The following NEGR1 variants were observed in gnomAD, a reference collection of about 807,000 sequenced individuals.
NEGR1 encodes neuronal growth regulator 1, also known as IgLON family member 4.
NEGR1 carries 10 observed loss-of-function variants against 40.9 expected under a neutral mutation model. That is an observed-to-expected ratio of 0.24 (90% CI 0.15 to 0.42). The LOEUF (loss-of-function observed/expected upper bound fraction) is 0.42, where lower values mean the gene tolerates loss of function less well. Ranked by LOEUF, NEGR1 falls within the 10% of genes least tolerant of loss-of-function variation. The probability of loss-of-function intolerance (pLI) is 1.00; values close to 1 mark genes in which losing one functional copy is unlikely to be tolerated. For synonymous variants in NEGR1, 185 were observed against 166.8 expected (o/e 1.11, Z -0.84); for missense variants, 352 against 438.9 (o/e 0.80, Z 1.77).
intron 6 of NEGR1, among the ~76,000 whole-genome samples, chr1:71,423,181 A>G (rs1646408577): frequency 1.3e-5 from 2 of 152,262 alleles, no homozygotes; most frequent in Middle Eastern, 3.4e-3. Context: ...AGAGGCCAGG[A>G]GTTCGAGATC....
chr1:72,061,823 A>T (rs1647179869), intron 1 of NEGR1, among the ~76,000 whole-genome samples: 2 of 151,736 alleles, frequency 1.3e-5, no homozygotes, highest in South Asian at 2.1e-4. Context: ...TATGAAGCAA[A>T]AGTCACTCCA....
chr1:71,896,419 T>G (rs1042594350), intron 2 of NEGR1, among the ~76,000 whole-genome samples: 2 of 152,240 alleles, frequency 1.3e-5, no homozygotes, highest in Non-Finnish European at 2.9e-5. Flanking sequence ...TGTTGAGCTG[T>G]AAGATTTCTT....
At chr1:71,700,738 C>A (rs1653661917) in intron 3 of NEGR1, among the ~76,000 whole-genome samples, 2 of 151,950 alleles carry the variant, frequency 1.3e-5, no homozygotes, top group South Asian at 4.1e-4. Context: ...ATAGGTCCCC[C>A]AAAGTTATTC....
intron 4 of NEGR1, among the ~76,000 whole-genome samples, chr1:71,674,937 G>A (rs532201964): frequency 2.7e-4 from 41 of 151,322 alleles, no homozygotes; most frequent in Non-Finnish European, 5.0e-4. Flanking sequence ...CTTGAAACCT[G>A]CCTGTTTTGT....
At chr1:71,715,211 G>A (rs550298704) in intron 3 of NEGR1, among the ~76,000 whole-genome samples, 3 of 152,266 alleles carry the variant, frequency 2.0e-5, no homozygotes, top group South Asian at 4.1e-4. Flanking sequence ...TGGGATGCAG[G>A]GCACCAAGTC....
intron 1 of NEGR1, among the ~76,000 whole-genome samples, chr1:72,115,523 CT>C (rs1036145688): frequency 3.3e-5 from 5 of 151,716 alleles, no homozygotes; most frequent in Admixed American, 1.3e-4. Context: ...GAAGACATTA[CT>C]TATGCCAGAA....
intron 1 of NEGR1, among the ~76,000 whole-genome samples, chr1:72,168,055 G>C (rs940452200): frequency 5.3e-5 from 8 of 150,496 alleles, no homozygotes; most frequent in Admixed American, 1.3e-4. Flanking sequence ...ACCCAGGCTG[G>C]AGTGCAGTGG....
At chr1:71,651,045 G>A (rs1475987840) in intron 4 of NEGR1, among the ~76,000 whole-genome samples, 1 of 151,952 alleles carries the variant, frequency 6.6e-6, no homozygotes, top group Non-Finnish European at 1.5e-5. Context: ...CTCTTTTCTT[G>A]GCTGATGTAC....
chr1:71,840,078 G>C (rs938740479), intron 2 of NEGR1, among the ~76,000 whole-genome samples: 2 of 152,070 alleles, frequency 1.3e-5, no homozygotes, highest in Non-Finnish European at 2.9e-5. Flanking sequence ...TATCTCCAGA[G>C]CGGATTTCTC....
At chr1:72,012,830 C>A (rs1274279763) in intron 1 of NEGR1, among the ~76,000 whole-genome samples, 1 of 134,724 alleles carries the variant, frequency 7.4e-6, no homozygotes. Flanking sequence ...CACACACACA[C>A]ATATATACAT....
rs186854150 is a variant in NEGR1, at chr1:71,742,505, C to T, written c.535+33667G>A. Among the ~76,000 whole-genome samples, 26 of 152,248 alleles carry T rather than the reference C, an allele frequency of 1.7e-4. No homozygotes were observed. The East Asian group carries it at 4.3e-3, about 25-fold the overall frequency. On this transcript the variant is annotated intron_variant, in intron 3 of 6. Transcript: ENST00000357731. ...TGAGCTAAAGCAGGCTATTCTTAAG[C>T]CTTATATCTCATGAAGTTTACATGC... is the stretch of plus-strand genomic sequence containing the variant.
chr1:71,544,522 T>G (rs1647826210), intron 6 of NEGR1, among the ~76,000 whole-genome samples: 1 of 151,722 alleles, frequency 6.6e-6, no homozygotes, highest in African/African-American at 2.4e-5. Context: ...ACTTGCCTCA[T>G]GAGGTGATTG....
At chr1:71,705,008 T>C (rs1653838551) in intron 3 of NEGR1, among the ~76,000 whole-genome samples, 1 of 151,902 alleles carries the variant, frequency 6.6e-6, no homozygotes, top group Non-Finnish European at 1.5e-5. Context: ...ACAATAACAA[T>C]ATATGGGTAT....
intron 4 of NEGR1, among the ~76,000 whole-genome samples, chr1:71,658,028 A>C (rs1236564241): frequency 2.0e-5 from 3 of 152,192 alleles, no homozygotes; most frequent in African/African-American, 7.2e-5. Context: ...TAACAATTCA[A>C]ATGTCATCTC....
chr1:71,677,489 G>T (rs543637043), intron 4 of NEGR1, among the ~76,000 whole-genome samples: 1 of 152,016 alleles, frequency 6.6e-6, no homozygotes, highest in Non-Finnish European at 1.5e-5. Flanking sequence ...GTGAACATTG[G>T]GTTCTTGTGT....
chr1:71,873,651 T>C (rs2101835560), intron 2 of NEGR1, among the ~76,000 whole-genome samples: 1 of 152,322 alleles, frequency 6.6e-6, no homozygotes, highest in East Asian at 1.9e-4. Flanking sequence ...AGTAACTTTT[T>C]CTAGTTTTCC....
intron 1 of NEGR1, among the ~76,000 whole-genome samples, chr1:72,224,628 G>T (rs754949229): frequency 6.6e-6 from 1 of 151,954 alleles, no homozygotes; most frequent in South Asian, 2.1e-4. Flanking sequence ...TCTTACCCAA[G>T]GTTACTCAGG....
intron 1 of NEGR1, among the ~76,000 whole-genome samples, chr1:71,943,400 G>A (rs1050832644): frequency 6.0e-5 from 9 of 150,924 alleles, no homozygotes; most frequent in Admixed American, 3.9e-4. Flanking sequence ...TTCAAATTTG[G>A]TTATGATTAA....
At chr1:71,467,956 T>C (rs1424627660) in intron 6 of NEGR1, among the ~76,000 whole-genome samples, 1 of 152,000 alleles carries the variant, frequency 6.6e-6, no homozygotes, top group Non-Finnish European at 1.5e-5. Context: ...TCAGCATGCT[T>C]AATTATTACA....
Sources: gnomAD v4.1 joint callset for allele counts (sites outside exome capture counted in the v4.1 genomes callset) on GRCh38, gnomAD v4.1.1 for gene constraint, MANE v1.5 for transcripts, NCBI Gene and HGNC (gene_info 2026-07-23, HGNC 2026-07-21) for gene names.